The following ADD3 variants were observed in gnomAD, a reference collection of about 807,000 sequenced individuals.
The protein encoded by ADD3 is adducin 3.
In ADD3, 25 loss-of-function variants were observed where a neutral mutation model predicts 80.2. That is an observed-to-expected ratio of 0.31 (90% confidence interval 0.23 to 0.44). The LOEUF is 0.44. ADD3 is among the 20% of genes least tolerant of loss of function. The pLI, the probability that ADD3 is intolerant of heterozygous loss-of-function variation, is 1.00. For synonymous variants in ADD3, 284 were observed against 289.6 expected, an observed-to-expected ratio of 0.98 and a Z score of 0.20; for missense variants, 829 against 847.5, an observed-to-expected ratio of 0.98 and a Z score of 0.27.
chr10:110,024,704 A>G (rs1484896054), intron 1 of ADD3, among the ~76,000 whole-genome samples: 3 of 152,236 alleles, frequency 2.0e-5, no homozygotes, highest in Admixed American at 6.5e-5. Context: ...TCTTAGTAAA[A>G]TGAAAATCAG....
At chr10:110,085,351 T>G (rs914546881) in intron 1 of ADD3, among the ~76,000 whole-genome samples, 1 of 152,186 alleles carries the variant, frequency 6.6e-6, no homozygotes, top group Non-Finnish European at 1.5e-5. Flanking sequence ...TTACACTTTG[T>G]TGAAGATTTA....
chr10:110,066,211 G>T (rs188514356), intron 1 of ADD3, among the ~76,000 whole-genome samples: 1 of 152,086 alleles, frequency 6.6e-6, no homozygotes, highest in South Asian at 2.1e-4. Context: ...TCCATTCAGC[G>T]TTCTGGAAAA....
intron 11 of ADD3, 107 bp from the exon 12 acceptor site, chr10:110,126,310 C>G (rs1852149212): frequency 2.5e-6 from 2 of 807,680 alleles, no homozygotes; most frequent in Non-Finnish European, 4.1e-6. Context: ...ATTGAAGAGA[C>G]TCTCACTCTG....
At chr10:110,079,064 G>A (rs1396864039) in intron 1 of ADD3, among the ~76,000 whole-genome samples, 1 of 152,020 alleles carries the variant, frequency 6.6e-6, no homozygotes, top group East Asian at 1.9e-4. Flanking sequence ...ACTCCAGTCT[G>A]CTATACAAGC....
intron 2 of ADD3, among the ~76,000 whole-genome samples, chr10:110,110,385 C>G (rs1314087944): frequency 6.6e-6 from 1 of 152,082 alleles, no homozygotes; most frequent in Admixed American, 6.6e-5. Flanking sequence ...ACTTCCCTGC[C>G]CCATGGTAGA....
At chr10:110,078,648 G>T (rs192988613) in intron 1 of ADD3, among the ~76,000 whole-genome samples, 6 of 152,168 alleles carry the variant, frequency 3.9e-5, no homozygotes, top group African/African-American at 1.4e-4. Flanking sequence ...GGGTAAAAGT[G>T]GCTTTCAAAC....
At chr10:110,124,471 G>A (rs1211226694) in intron 10 of ADD3, among the ~76,000 whole-genome samples, 197 bp downstream of exon 10, 1 of 152,080 alleles carries the variant, frequency 6.6e-6, no homozygotes, top group East Asian at 1.9e-4. Context: ...CTCCTAATAT[G>A]AATGATGCTG....
intron 1 of ADD3, among the ~76,000 whole-genome samples, chr10:110,028,560 G>A (rs80137681): frequency 2.0e-5 from 3 of 152,042 alleles, no homozygotes; most frequent in Non-Finnish European, 4.4e-5. Flanking sequence ...GTGAGATTCC[G>A]TCTCAAAACA....
intron 1 of ADD3, among the ~76,000 whole-genome samples, chr10:110,094,712 A>G (rs1316146238): frequency 6.6e-6 from 1 of 152,228 alleles, no homozygotes; most frequent in African/African-American, 2.4e-5. Flanking sequence ...AAATTTCACT[A>G]GTGATCTAAG....
At chr10:110,132,164 A>G (rs2134250210) in intron 13 of ADD3, 141 bp from the exon 14 acceptor site, 1 of 585,938 alleles carries the variant, frequency 1.7e-6, no homozygotes, top group East Asian at 2.8e-5. Context: ...ATATGGGATA[A>G]CTGTTAGCAT....
chr10:110,041,726 T>C (rs576760941), intron 1 of ADD3, among the ~76,000 whole-genome samples: 61 of 152,340 alleles, frequency 4.0e-4, no homozygotes, highest in Admixed American at 1.2e-3. Context: ...TCCTCTGTTA[T>C]ATGTTTAAAA....
At chr10:110,100,227 G>C (rs1848654299) in intron 1 of ADD3, among the ~76,000 whole-genome samples, 1 of 151,904 alleles carries the variant, frequency 6.6e-6, no homozygotes, top group Non-Finnish European at 1.5e-5. Context: ...GCACGCGCCT[G>C]TAGTCCCAAC....
intron 1 of ADD3, among the ~76,000 whole-genome samples, chr10:110,048,999 T>C (rs1857199439): frequency 6.6e-6 from 1 of 152,214 alleles, no homozygotes; most frequent in Admixed American, 6.5e-5. Flanking sequence ...TTTCATGGAC[T>C]GGGCCCAGAG....
At chr10:110,003,302 G>GGTGTGTGTGTGTGT (rs1554893815), upstream of ADD3, among the ~76,000 whole-genome samples, 146 of 147,010 alleles carry the variant, frequency 9.9e-4, 1 homozygote, top group African/African-American at 3.4e-3. Context: ...GAACAGTAAG[G>GGTGTGTGTGTGTGT]GTGTGTGTGT....
chr10:110,001,673 G>A (rs1011804898), upstream of ADD3, among the ~76,000 whole-genome samples: 1 of 151,928 alleles, frequency 6.6e-6, no homozygotes, highest in Non-Finnish European at 1.5e-5. Flanking sequence ...TCTTTATTCA[G>A]AGATTTTTTT....
chr10:110,091,776 C>T (rs919965704), intron 1 of ADD3, among the ~76,000 whole-genome samples: 5 of 152,050 alleles, frequency 3.3e-5, no homozygotes, highest in Non-Finnish European at 5.9e-5. Context: ...GCCTTCTGCA[C>T]GGCAAAAGAA....
intron 1 of ADD3, among the ~76,000 whole-genome samples, chr10:110,054,802 G>A (rs573306092): frequency 6.6e-6 from 1 of 152,070 alleles, no homozygotes; most frequent in Admixed American, 6.5e-5. Flanking sequence ...TTTTAGTAGA[G>A]ACAGGGTTTC....
rs1266239351 is a variant in ADD3 at position 110,108,900 on chromosome 10, T to C, written c.196-3877T>C. On this transcript the variant is annotated intron_variant, in intron 2 of 14. Coordinates refer to ENST00000356080, the MANE Select transcript of ADD3 (RefSeq NM_016824.5). ...AAATTTTTTTTATACCTATACTGCG[T>C]AGAAGCTATTCGTCAGCTTTAAAGG... Among the ~76,000 whole-genome samples, 8 of 152,332 alleles carry C rather than the reference T, an allele frequency of 5.3e-5. No homozygotes were observed. The East Asian group carries it at 1.5e-3, about 29-fold the overall frequency.
intron 11 of ADD3, 38 bp downstream of exon 11, chr10:110,125,983 A>T (rs1172299871): frequency 1.3e-6 from 2 of 1,564,768 alleles, no homozygotes; most frequent in Non-Finnish European, 1.7e-6. Context: ...GAGACATTTT[A>T]ATTGCTTTAT....
Sources: gnomAD v4.1 joint callset for allele counts (sites outside exome capture counted in the v4.1 genomes callset) on GRCh38, gnomAD v4.1.1 for gene constraint, MANE v1.5 for transcripts, NCBI Gene and HGNC (gene_info 2026-07-23, HGNC 2026-07-21) for gene names.